The following KATNA1 variants were observed in gnomAD, a reference collection of about 807,000 sequenced individuals.
KATNA1 encodes the protein katanin catalytic subunit A1.
KATNA1 carries 42 observed loss-of-function variants against 62.6 expected under a neutral mutation model. The observed-to-expected ratio is 0.67, with a 90% CI of 0.52 to 0.87. The LOEUF (loss-of-function observed/expected upper bound fraction) is 0.87. Among genes scored for constraint, KATNA1 ranks in the 40% least tolerant of loss-of-function variants. KATNA1 has a pLI of 0.00. For missense variants in KATNA1, 498 were observed against 612.5 expected (o/e 0.81, Z 1.97); for synonymous variants, 186 against 201.9 (o/e 0.92, Z 0.67).
intron 10 of KATNA1, among the ~76,000 whole-genome samples, chr6:149,596,198 C>T (rs1778303628): frequency 6.6e-6 from 1 of 152,194 alleles, no homozygotes; most frequent in South Asian, 2.1e-4. Flanking sequence ...CTTACCAGCA[C>T]CTGCTAACAC....
At position 149,595,018 on chromosome 6, in the gene KATNA1, C is replaced by A. The variant is rs1421027830; in HGVS notation, c.*18G>T. Reference sequence around the variant, plus strand: ...TCAAACACTTAAGGCACATTTCTCACAGTTTACATGTGAGAATTTAGCATG... The same window carrying A: ...TCAAACACTTAAGGCACATTTCTCAAAGTTTACATGTGAGAATTTAGCATG... On this transcript the variant is annotated 3_prime_UTR_variant, in exon 11 of 11. Transcript: ENST00000367411. 6.3e-7 allele frequency: 1 copy of A among 1,596,218 alleles called. No individual in the cohort carries two copies. Among genetic ancestry groups the A allele is most frequent in the African/African-American group, 1.3e-5 (1 of 74,634 alleles).
intron 4 of KATNA1, among the ~76,000 whole-genome samples, chr6:149,606,689 G>T (rs574317325): frequency 6.6e-6 from 1 of 151,464 alleles, no homozygotes; most frequent in African/African-American, 2.4e-5. Flanking sequence ...CACGATCTTG[G>T]CTCACTGCAA....
intron 1 of KATNA1, among the ~76,000 whole-genome samples, chr6:149,641,625 C>T (rs1482819868): frequency 6.6e-6 from 1 of 152,180 alleles, no homozygotes; most frequent in Non-Finnish European, 1.5e-5. Context: ...ACCCATTTCA[C>T]TTATGAACAT....
chr6:149,621,930 T>C (rs981912336), intron 4 of KATNA1, among the ~76,000 whole-genome samples: 2 of 152,182 alleles, frequency 1.3e-5, no homozygotes, highest in African/African-American at 4.8e-5. Context: ...GAGATGTTTG[T>C]ATTAAAAGGG....
intron 3 of KATNA1, among the ~76,000 whole-genome samples, chr6:149,629,620 T>C (rs1016168518): frequency 6.6e-6 from 1 of 152,176 alleles, no homozygotes. Flanking sequence ...AAAACACAAC[T>C]TGACTCATCT....
At position 149,625,112 on chromosome 6, in the gene KATNA1, CA is replaced by C. The variant is rs200808963; in HGVS notation, c.321-1830del. On this transcript the variant is annotated intron_variant, in intron 3 of 10. Coordinates refer to ENST00000367411, the MANE Select transcript of KATNA1 (RefSeq NM_007044.4). ...AATACTGAGCAGAAATGGTTCGGTC[CA>C]TAGAAGATATGAATACCAGTTCAAG... Among the ~76,000 whole-genome samples the C allele has an allele frequency of 8.4e-3, 1,285 of 152,120 alleles. 22 individuals carry two copies. The highest frequency in any genetic ancestry group is 0.029 in the African/African-American group (1,215 of 41,482).
chr6:149,598,425 C>G, intron 7 of KATNA1, 75 bp from the exon 8 acceptor site: 1 of 1,458,336 alleles, frequency 6.9e-7, no homozygotes, highest in Non-Finnish European at 9.4e-7. Flanking sequence ...GATTAGCAAT[C>G]AGAAAATAGC....
chr6:149,606,240 C>A (rs575962362), intron 4 of KATNA1, among the ~76,000 whole-genome samples: 55 of 152,204 alleles, frequency 3.6e-4, no homozygotes, highest in African/African-American at 1.3e-3. Flanking sequence ...CTGTTTGAAC[C>A]TAACTTCTTC....
At position 149,618,155 on chromosome 6, in the gene KATNA1, GA is replaced by G. The variant is rs548492724; in HGVS notation, c.501+4947del. ...GGTGACAGAGCAAGACTCCATCTCAGAAAAAAAAAAAAAAGGAAAAAGAAAG... is the reference window on the plus strand; with the variant it reads ...GGTGACAGAGCAAGACTCCATCTCAGAAAAAAAAAAAAAGGAAAAAGAAAG... On this transcript the variant is annotated intron_variant, in intron 4 of 10. Coordinates refer to ENST00000367411, the MANE Select transcript of KATNA1 (RefSeq NM_007044.4). Among the ~76,000 whole-genome samples, 595 of 87,972 alleles carry G rather than the reference GA, an allele frequency of 6.8e-3. 3 individuals carry two copies. The highest frequency in any genetic ancestry group is 0.02 in the African/African-American group (466 of 23,864). 57.7% of individuals were successfully genotyped at this position (87,972 alleles called of 152,430 possible).
At chr6:149,622,132 G>GT (rs58159339) in intron 4 of KATNA1, among the ~76,000 whole-genome samples, 136 of 142,248 alleles carry the variant, frequency 9.6e-4, no homozygotes, top group Non-Finnish European at 1.3e-3. Context: ...TGTTTTTTTT[G>GT]TTTTTTTTTT....
At chr6:149,605,290 A>AG (rs1778695733) in intron 4 of KATNA1, among the ~76,000 whole-genome samples, 1 of 152,208 alleles carries the variant, frequency 6.6e-6, no homozygotes, top group South Asian at 2.1e-4. Flanking sequence ...AAAAATAAAA[A>AG]TGACCATGCA....
Position 149,604,467 on chromosome 6 carries a change from AAAAAAC to A in KATNA1, c.623+188_623+193del, listed in dbSNP as rs141407810. 9.2e-5 allele frequency among the ~76,000 whole-genome samples: 14 copies of A among 152,236 alleles called. No individual in the cohort carries two copies. In the East Asian group the frequency reaches 2.7e-3, roughly 29 times the overall value. On this transcript the variant is annotated intron_variant, in intron 5 of 10. Transcript: ENST00000367411. ...GGCAATAAAGTGAGACCCTGTCTCTAAAAAACAAAAACAAAAACCTCAGACTCTCAG... is the reference window on the plus strand; with the variant it reads ...GGCAATAAAGTGAGACCCTGTCTCTAAAAAACAAAAACCTCAGACTCTCAG...
intron 10 of KATNA1, among the ~76,000 whole-genome samples, chr6:149,596,612 C>T (rs910054298): frequency 6.6e-6 from 1 of 151,642 alleles, no homozygotes; most frequent in Non-Finnish European, 1.5e-5. Context: ...CTTGCTTTGT[C>T]GCCCAGGCTG....
intron 2 of KATNA1, among the ~76,000 whole-genome samples, chr6:149,636,628 CA>C (rs1314762092): frequency 6.8e-6 from 1 of 146,926 alleles, no homozygotes; most frequent in Admixed American, 7.2e-5. Context: ...AAGACCACCT[CA>C]AAAAGACTAT....
chr6:149,599,924 A>G (rs1778473949), intron 7 of KATNA1, among the ~76,000 whole-genome samples: 1 of 152,108 alleles, frequency 6.6e-6, no homozygotes, highest in Non-Finnish European at 1.5e-5. Context: ...CTGACCAAAA[A>G]CAAGGAGTTT....
intron 4 of KATNA1, among the ~76,000 whole-genome samples, chr6:149,610,048 G>A (rs898458099): frequency 2.1e-5 from 3 of 145,486 alleles, no homozygotes; most frequent in East Asian, 2.0e-4. Context: ...GTGGTGAGCC[G>A]AGATCACGCC....
At chr6:149,619,305 A>G (rs1779304727) in intron 4 of KATNA1, among the ~76,000 whole-genome samples, 1 of 152,056 alleles carries the variant, frequency 6.6e-6, no homozygotes. Context: ...CCTAATTAGG[A>G]TGGGTGTAAG....
At chr6:149,629,011 G>C (rs1290641932) in intron 3 of KATNA1, among the ~76,000 whole-genome samples, 1 of 152,060 alleles carries the variant, frequency 6.6e-6, no homozygotes, top group East Asian at 1.9e-4. Context: ...TTCAAAATCA[G>C]GAACAGAAAA....
chr6:149,634,293 A>C (rs1455093205), intron 2 of KATNA1, among the ~76,000 whole-genome samples: 70 of 148,444 alleles, frequency 4.7e-4, no homozygotes, highest in African/African-American at 1.8e-3. Flanking sequence ...AATAAAATAA[A>C]ATAAAATAAA....
Sources: gnomAD v4.1 joint callset for allele counts (sites outside exome capture counted in the v4.1 genomes callset) on GRCh38, gnomAD v4.1.1 for gene constraint, MANE v1.5 for transcripts, NCBI Gene and HGNC (gene_info 2026-07-23, HGNC 2026-07-21) for gene names.